The following TRA2A variants were observed in gnomAD, a reference collection of about 807,000 sequenced individuals.
The protein encoded by TRA2A is transformer-2 protein homolog alpha.
TRA2A carries 31 observed loss-of-function variants against 45.7 expected under a neutral mutation model. That is an observed-to-expected ratio of 0.68 (90% CI 0.51 to 0.92). The LOEUF (loss-of-function observed/expected upper bound fraction) is 0.92. Among genes scored for constraint, TRA2A ranks in the 40% least tolerant of loss-of-function variants. The pLI is 0.00. For synonymous variants in TRA2A, 132 were observed against 126.2 expected (o/e 1.05, Z -0.31); for missense variants, 304 against 367.5 (o/e 0.83, Z 1.41).
intron 3 of TRA2A, among the ~76,000 whole-genome samples, chr7:23,513,492 C>T (rs1789719838): frequency 6.6e-6 from 1 of 152,110 alleles, no homozygotes; most frequent in Non-Finnish European, 1.5e-5. Context: ...GTGGCCGGCG[C>T]CTGTAATCCC....
At chr7:23,509,587 T>G (rs1789501421) in intron 4 of TRA2A, among the ~76,000 whole-genome samples, 1 of 151,978 alleles carries the variant, frequency 6.6e-6, no homozygotes, top group African/African-American at 2.4e-5. Context: ...AATACAAAAA[T>G]TAGCTGGGTG....
intron 1 of TRA2A, among the ~76,000 whole-genome samples, chr7:23,528,322 C>T (rs1790424226): frequency 6.6e-6 from 1 of 152,058 alleles, no homozygotes; most frequent in South Asian, 2.1e-4. Flanking sequence ...GATTCTCTGC[C>T]TCACCCTCCC....
At chr7:23,527,741 T>C (rs746237481) in intron 1 of TRA2A, among the ~76,000 whole-genome samples, 1 of 152,234 alleles carries the variant, frequency 6.6e-6, no homozygotes, top group Admixed American at 6.5e-5. Context: ...TTCCATTTAA[T>C]GAGTGGTACA....
At chr7:23,507,586 A>C (rs996563190) in intron 4 of TRA2A, 51 bp from the exon 5 acceptor site, 4 of 1,263,048 alleles carry the variant, frequency 3.2e-6, no homozygotes, top group Non-Finnish European at 4.6e-6. Context: ...GTCTTGAAGT[A>C]ATCATTACTT....
intron 1 of TRA2A, among the ~76,000 whole-genome samples, chr7:23,522,743 T>C (rs1262236178): frequency 6.6e-6 from 1 of 152,118 alleles, no homozygotes; most frequent in African/African-American, 2.4e-5. Context: ...ATCTAACAAC[T>C]ATAATTTCCC....
At chr7:23,517,832 A>T (rs1789955943) in intron 2 of TRA2A, among the ~76,000 whole-genome samples, 1 of 152,002 alleles carries the variant, frequency 6.6e-6, no homozygotes, top group African/African-American at 2.4e-5. Flanking sequence ...GAATCACTTG[A>T]ACCCGGGAGG....
intron 1 of TRA2A, among the ~76,000 whole-genome samples, chr7:23,525,891 C>T (rs1790321165): frequency 1.3e-5 from 2 of 152,148 alleles, no homozygotes; most frequent in South Asian, 2.1e-4. Flanking sequence ...CCACTGCACC[C>T]GGCCTGCTTG....
In TRA2A at chr7:23,506,197, G is replaced by A; in HGVS notation, c.711C>T (p.Tyr237=). The part of the protein sequence containing the change: ...GGGGGRRRDS[Y]YDRGYDRGYD... ...ACCCACGATCATATCCTCTATCATA[G>A]TAAGAATCTCGACGTCTGCCACCAC... The change falls in exon 6 of 8, where the codon TAC becomes TAT. Residue 237 remains tyrosine, a synonymous_variant. Transcript: ENST00000297071. The A allele has an allele frequency of 1.2e-6, 2 of 1,613,614 alleles. No homozygotes were observed. Among genetic ancestry groups the A allele is most frequent in the African/African-American group, 1.3e-5 (1 of 74,976 alleles).
chr7:23,531,572 ATCAG>A (rs1331742577), intron 1 of TRA2A: 7 of 599,732 alleles, frequency 1.2e-5, no homozygotes, highest in African/African-American at 9.3e-5. Flanking sequence ...AAGTCCAGGT[ATCAG>A]TCAGCCTCCA....
At chr7:23,517,649 C>T (rs930900726) in intron 2 of TRA2A, among the ~76,000 whole-genome samples, 1 of 150,662 alleles carries the variant, frequency 6.6e-6, no homozygotes, top group African/African-American at 2.4e-5. Context: ...CGCAGTGGCT[C>T]ATGCCTGTAA....
At chr7:23,528,249 T>C (rs756098470) in intron 1 of TRA2A, among the ~76,000 whole-genome samples, 13 of 152,146 alleles carry the variant, frequency 8.5e-5, no homozygotes, top group Non-Finnish European at 1.9e-4. Context: ...CTCGCTCTAT[T>C]GCCAGGCTGG....
In TRA2A at chr7:23,512,885, C is replaced by T; in HGVS notation, c.525+9G>A. ...GTACTATAATCAGGCATATAAAAGA[C>T]AAATTTACCTCCTTTGAGTCATCTA... is the stretch of plus-strand genomic sequence containing the variant. On this transcript the variant is annotated intron_variant, in intron 4 of 7. Coordinates refer to ENST00000297071, the MANE Select transcript of TRA2A (RefSeq NM_013293.5). 1.3e-6 allele frequency: 2 copies of T among 1,596,032 alleles called. No individual in the cohort carries two copies. The highest frequency in any genetic ancestry group is 8.5e-7 in the Non-Finnish European group (1 of 1,169,702).
At chr7:23,530,666 A>C (rs1790537097) in intron 1 of TRA2A, among the ~76,000 whole-genome samples, 1 of 152,226 alleles carries the variant, frequency 6.6e-6, no homozygotes, top group South Asian at 2.1e-4. Context: ...CAAACGTTCC[A>C]GTACATTTAA....
intron 4 of TRA2A, among the ~76,000 whole-genome samples, chr7:23,510,185 T>C (rs1314681798): frequency 6.6e-6 from 1 of 152,186 alleles, no homozygotes; most frequent in Non-Finnish European, 1.5e-5. Context: ...CCTGGGCAAC[T>C]GAAAAGAGAA....
intron 4 of TRA2A, among the ~76,000 whole-genome samples, chr7:23,510,611 G>A (rs561584155): frequency 1.3e-5 from 2 of 152,258 alleles, no homozygotes; most frequent in African/African-American, 2.4e-5. Flanking sequence ...TACAAGGTGC[G>A]AGCCACTGTG....
chr7:23,508,192 T>A (rs1789428778), intron 4 of TRA2A, among the ~76,000 whole-genome samples: 1 of 148,084 alleles, frequency 6.8e-6, no homozygotes, highest in Admixed American at 6.9e-5. Context: ...CTAATAAAAG[T>A]ATAATAAACT....
chr7:23,524,940 T>G (rs1009249622), intron 1 of TRA2A, among the ~76,000 whole-genome samples: 3 of 152,122 alleles, frequency 2.0e-5, no homozygotes, highest in African/African-American at 7.2e-5. Context: ...TCTGCCCGCC[T>G]TGGCCTCCCA....
chr7:23,523,921 A>T (rs1790236854), intron 1 of TRA2A, among the ~76,000 whole-genome samples: 1 of 152,224 alleles, frequency 6.6e-6, no homozygotes, highest in Non-Finnish European at 1.5e-5. Context: ...AGACCCTGTG[A>T]CATAACATTC....
chr7:23,513,086 T>A lies in TRA2A; in HGVS notation c.337-4A>T. 4.4e-6 allele frequency: 7 copies of A among 1,574,652 alleles called. No individual in the cohort carries two copies. In the East Asian group the frequency reaches 9.0e-5, roughly 20 times the overall value. On this transcript the variant is annotated splice_region_variant and splice_polypyrimidine_tract_variant and intron_variant, in intron 3 of 7. Coordinates refer to ENST00000297071, the MANE Select transcript of TRA2A (RefSeq NM_013293.5). The stretch of plus-strand genomic sequence containing the variant: ...AAGTGTTGGGATCTGGATTTGCCTA[T>A]TGAATGGAAATATTATTTAAAACTC...
Sources: gnomAD v4.1 joint callset for allele counts (sites outside exome capture counted in the v4.1 genomes callset) on GRCh38, gnomAD v4.1.1 for gene constraint, MANE v1.5 for transcripts, NCBI Gene and HGNC (gene_info 2026-07-23, HGNC 2026-07-21) for gene names.